TMEM135: variants seen among roughly 807,000 people sequenced by gnomAD.
TMEM135 encodes the protein peroxisomal membrane protein 52.
Under a neutral mutation model 60.3 loss-of-function variants are expected in TMEM135, and 30 were observed. That is an observed-to-expected ratio of 0.50 (90% CI 0.37 to 0.68). The LOEUF (loss-of-function observed/expected upper bound fraction) is 0.68. Among genes scored for constraint, TMEM135 ranks in the 30% least tolerant of loss-of-function variants. The probability of loss-of-function intolerance (pLI) is 0.00; values close to 1 mark genes in which losing one functional copy is unlikely to be tolerated. For missense variants in TMEM135, 468 were observed against 548.8 expected, an observed-to-expected ratio of 0.85 and a Z score of 1.47; for synonymous variants, 190 against 186.7, an observed-to-expected ratio of 1.02 and a Z score of -0.14.
At chr11:87,186,987 T>C (rs891981357) in intron 5 of TMEM135, among the ~76,000 whole-genome samples, 4 of 152,224 alleles carry the variant, frequency 2.6e-5, no homozygotes, top group African/African-American at 9.6e-5. Flanking sequence ...GGTACTTTGA[T>C]TTTATGATTT....
At chr11:87,091,313 T>G in intron 3 of TMEM135, 49 bp from the exon 4 acceptor site, 1 of 1,504,232 alleles carries the variant, frequency 6.6e-7, no homozygotes, top group Non-Finnish European at 9.2e-7. Context: ...ATAAAGTGAT[T>G]ACTAAGTCAA....
intron 4 of TMEM135, among the ~76,000 whole-genome samples, chr11:87,119,882 T>G (rs1565449048): frequency 6.8e-6 from 1 of 147,628 alleles, no homozygotes. Flanking sequence ...ACCTTTACTT[T>G]TTTAAAAAAA....
chr11:87,106,032 T>C (rs1468513364), intron 4 of TMEM135, among the ~76,000 whole-genome samples: 1 of 152,206 alleles, frequency 6.6e-6, no homozygotes. Context: ...GATGTTTATC[T>C]TTTGTGCCTG....
At chr11:87,313,764 C>T (rs1234396603) in intron 11 of TMEM135, among the ~76,000 whole-genome samples, 1 of 151,652 alleles carries the variant, frequency 6.6e-6, no homozygotes, top group Non-Finnish European at 1.5e-5. Flanking sequence ...TATAAAAAGC[C>T]TTATATTTAT....
chr11:87,237,309 C>T (rs903124944), intron 6 of TMEM135, among the ~76,000 whole-genome samples: 1 of 151,754 alleles, frequency 6.6e-6, no homozygotes, highest in African/African-American at 2.4e-5. Context: ...GGGAGAGTCC[C>T]CTCCTTTATA....
chr11:87,314,623 G>T, intron 12 of TMEM135, 76 bp downstream of exon 12: 1 of 1,166,274 alleles, frequency 8.6e-7, no homozygotes, highest in Non-Finnish European at 1.3e-6. Context: ...AGCAGCAAAT[G>T]TATATCCCAA....
Position 87,302,365 on chromosome 11 carries a change from A to G in TMEM135, c.621A>G (p.Glu207=). The G allele has an allele frequency of 6.2e-7, 1 of 1,613,970 alleles. No homozygotes were observed. The highest frequency in any genetic ancestry group is 1.1e-5 in the South Asian group (1 of 91,086). ...CAGAGGCAGCATATGCAAAAGTGGA[A>G]CAAAAGAGAGAGCAACATGAGGAAA... The part of the protein sequence containing the change: ...FSPEAAYAKV[E]QKREQHEEKP... Residue 207 remains glutamate (E), a synonymous_variant, in exon 8 of 15, where the codon GAA becomes GAG. Coordinates refer to ENST00000305494, the MANE Select transcript of TMEM135 (RefSeq NM_022918.4).
In TMEM135 at chr11:87,231,184, G is replaced by A. The variant is rs1004637789; in HGVS notation, c.463-5454G>A. Among the ~76,000 whole-genome samples the A allele has an allele frequency of 1.6e-4, 25 of 152,182 alleles. 2 individuals are homozygous for A. The highest frequency in any genetic ancestry group is 1.6e-3 in the Admixed American group (24 of 15,256). Reference sequence around the variant, plus strand: ...AGGAAATAAAGCTCAAAGTGTAGGCGGACCATGCTGGATAGAGTTCACAGA... The same window carrying A: ...AGGAAATAAAGCTCAAAGTGTAGGCAGACCATGCTGGATAGAGTTCACAGA... On this transcript the variant is annotated intron_variant, in intron 5 of 14. Coordinates refer to ENST00000305494, the MANE Select transcript of TMEM135 (RefSeq NM_022918.4).
chr11:87,042,699 T>G (rs1373876325), intron 1 of TMEM135, among the ~76,000 whole-genome samples: 1 of 152,218 alleles, frequency 6.6e-6, no homozygotes, highest in Non-Finnish European at 1.5e-5. Flanking sequence ...TATCTGCTTT[T>G]CATTGGAAAC....
Position 87,326,599 on chromosome 11 carries a change from T to C in TMEM135, c.*5266T>C. 2.2e-6 allele frequency: 1 copy of C among 454,088 alleles called. No homozygotes were observed. 28.1% of individuals were successfully genotyped at this position (454,088 alleles called of 1,614,324 possible). A position where few individuals can be genotyped will look rare whatever the true frequency, so the allele number is the denominator to read the frequency against. On this transcript the variant is annotated 3_prime_UTR_variant, in exon 15 of 15. Transcript: ENST00000305494. Reference sequence around the variant, plus strand: ...GACTATAAACATATTTTAAGCCTTATCTCTTTTCTCCTATTCTTTTCTTTA... The same window carrying C: ...GACTATAAACATATTTTAAGCCTTACCTCTTTTCTCCTATTCTTTTCTTTA...
Position 87,071,586 on chromosome 11 carries a change from T to C in TMEM135, c.333T>C (p.Tyr111=), listed in dbSNP as rs756121818. The C allele has an allele frequency of 1.2e-5, 20 of 1,613,902 alleles. 1 individual carries two copies. In the South Asian group the frequency reaches 2.1e-4, roughly 17 times the overall value. ...TTGGTGCCGCTCTGCCAGCATCTTA[T>C]GTGGCCATTCTCATTGAAAGAAAAA... ...PGFGAALPAS[Y]VAILIERKSR... The change falls in exon 3 of 15, where the codon TAT becomes TAC. Residue 111 remains tyrosine (Y), a synonymous_variant. Coordinates refer to ENST00000305494, the MANE Select transcript of TMEM135 (RefSeq NM_022918.4).
At chr11:87,091,456 T>C (rs1857202662) in intron 4 of TMEM135, 61 bp downstream of exon 4, 1 of 1,553,264 alleles carries the variant, frequency 6.4e-7, no homozygotes, top group South Asian at 1.1e-5. Context: ...TAAAATCAAG[T>C]TTTCTTAAAA....
chr11:87,064,424 C>T (rs1353761681), intron 1 of TMEM135, among the ~76,000 whole-genome samples: 3 of 152,138 alleles, frequency 2.0e-5, no homozygotes, highest in African/African-American at 7.2e-5. Flanking sequence ...AATATCACAA[C>T]AAAAATACTG....
chr11:87,167,308 G>T (rs757086492), intron 5 of TMEM135, among the ~76,000 whole-genome samples: 18 of 152,192 alleles, frequency 1.2e-4, no homozygotes, highest in South Asian at 8.3e-4. Flanking sequence ...TCTTTCTCTT[G>T]CCGGATTGCC....
chr11:87,216,602 C>T (rs1313027999), intron 5 of TMEM135, among the ~76,000 whole-genome samples: 1 of 152,052 alleles, frequency 6.6e-6, no homozygotes, highest in Non-Finnish European at 1.5e-5. Context: ...TTTTGCAGGT[C>T]TGGTTTTGTT....
At chr11:87,258,704 G>T (rs1941581879) in intron 6 of TMEM135, 1 of 377,026 alleles carries the variant, frequency 2.7e-6, no homozygotes, top group East Asian at 6.1e-5. Context: ...GTCTCTTCAT[G>T]AGACAATGTG....
intron 1 of TMEM135, among the ~76,000 whole-genome samples, chr11:87,039,818 A>G (rs1016876187): frequency 1.3e-5 from 2 of 152,368 alleles, no homozygotes; most frequent in African/African-American, 2.4e-5. Flanking sequence ...TCATTCATTA[A>G]TTCATTCACT....
chr11:87,092,321 A>G (rs1431512877), intron 4 of TMEM135, among the ~76,000 whole-genome samples: 1 of 152,160 alleles, frequency 6.6e-6, no homozygotes, highest in Non-Finnish European at 1.5e-5. Context: ...TATAGCAGCA[A>G]ACTATTCTGG....
At chr11:87,300,373 G>A (rs752481980) in intron 7 of TMEM135, among the ~76,000 whole-genome samples, 8 of 152,182 alleles carry the variant, frequency 5.3e-5, no homozygotes, top group East Asian at 1.9e-4. Context: ...CTGAAGGTGC[G>A]CTAGCCTTAT....
Sources: gnomAD v4.1 joint callset for allele counts (sites outside exome capture counted in the v4.1 genomes callset) on GRCh38, gnomAD v4.1.1 for gene constraint, MANE v1.5 for transcripts, NCBI Gene and HGNC (gene_info 2026-07-23, HGNC 2026-07-21) for gene names.